The following RBM47 variants were observed in gnomAD, a reference collection of about 807,000 sequenced individuals.
The protein encoded by RBM47 is RNA-binding protein 47.
Under a neutral mutation model 47.1 loss-of-function variants are expected in RBM47, and 21 were observed. That is an observed-to-expected ratio of 0.45 (90% CI 0.32 to 0.64). The LOEUF is 0.64. Ranked by LOEUF, RBM47 falls within the 30% of genes least tolerant of loss-of-function variation. The pLI is 0.05. For missense variants in RBM47, 708 were observed against 870.9 expected (o/e 0.81, Z 2.35); for synonymous variants, 375 against 361.7 (o/e 1.04, Z -0.42).
rs1560350268 is a variant in RBM47 at position 40,432,707 on chromosome 4, C to A, written c.1486G>T (p.Ala496Ser). The A allele has an allele frequency of 3.1e-6, 5 of 1,591,898 alleles. No homozygotes were observed. The highest frequency in any genetic ancestry group is 4.3e-6 in the Non-Finnish European group (5 of 1,165,370). The change falls in exon 6 of 7, where the codon GCC (alanine) becomes TCC (serine). Residue 496 changes from alanine to serine, a missense_variant. Coordinates refer to ENST00000295971, the MANE Select transcript of RBM47 (RefSeq NM_001098634.2). ...PASAAAAAAA[A>S]AAAAAAVIPT... is the part of the protein sequence containing the mutation. ...ATGACAGCGGCTGCGGCGGCTGCGG[C>A]CGCGGCTGCGGCGGCAGCAGCACTG... is the stretch of plus-strand genomic sequence containing the variant.
At chr4:40,613,297 T>C (rs1470663310) in intron 1 of RBM47, among the ~76,000 whole-genome samples, 1 of 152,128 alleles carries the variant, frequency 6.6e-6, no homozygotes, top group African/African-American at 2.4e-5. Context: ...TACTAACAAC[T>C]TTCTCAAAGT....
chr4:40,449,282 T>C (rs770284380), intron 3 of RBM47, among the ~76,000 whole-genome samples: 4 of 152,188 alleles, frequency 2.6e-5, no homozygotes, highest in Non-Finnish European at 5.9e-5. Context: ...CATCTCTCCT[T>C]GACTCTCCTT....
intron 2 of RBM47, among the ~76,000 whole-genome samples, chr4:40,538,150 G>A (rs534259501): frequency 2.6e-4 from 39 of 152,160 alleles, no homozygotes; most frequent in African/African-American, 3.6e-4. Flanking sequence ...TAACACTGAC[G>A]TCAAATTTGA....
chr4:40,608,309 G>A (rs181570979), intron 1 of RBM47, among the ~76,000 whole-genome samples: 2 of 152,240 alleles, frequency 1.3e-5, no homozygotes, highest in Non-Finnish European at 2.9e-5. Flanking sequence ...AGCATCTGAG[G>A]GCAGGAAGAG....
At chr4:40,449,556 G>A (rs1430087685) in intron 3 of RBM47, among the ~76,000 whole-genome samples, 1 of 152,194 alleles carries the variant, frequency 6.6e-6, no homozygotes, top group African/African-American at 2.4e-5. Context: ...TTTGCTGTGG[G>A]TTCTCAGGGA....
chr4:40,540,869 T>C (rs922922598), intron 2 of RBM47, among the ~76,000 whole-genome samples: 4 of 151,826 alleles, frequency 2.6e-5, no homozygotes, highest in African/African-American at 9.7e-5. Context: ...ATAACCTAAA[T>C]GTCAAGCTTA....
intron 6 of RBM47, among the ~76,000 whole-genome samples, chr4:40,431,484 C>T (rs1716000526): frequency 6.6e-6 from 1 of 152,010 alleles, no homozygotes. Context: ...CGGTGAAACC[C>T]CGTCTCTACT....
Position 40,432,823 on chromosome 4 carries a change from G to A in RBM47, c.1370C>T (p.Pro457Leu), listed in dbSNP as rs1429103498. The A allele has an allele frequency of 2.5e-6, 4 of 1,613,746 alleles. No homozygotes were observed. The highest frequency in any genetic ancestry group is 1.7e-5 in the Admixed American group (1 of 59,896). Residue 457 changes from proline to leucine, a missense_variant, in exon 6 of 7, where the codon CCA becomes CTA. By Grantham distance (98) the Pro-to-Leu change is moderately conservative. Transcript: ENST00000295971. ...AATCATTTTAGGGGCTGGAGCTGCT[G>A]GAAACATGGAATACTGAGCCCCAAT... is the stretch of plus-strand genomic sequence containing the variant. ...PAIGAQYSMF[P>L]AAPAPKMIED...
At chr4:40,617,549 C>G (rs970141128) in intron 1 of RBM47, among the ~76,000 whole-genome samples, 7 of 151,820 alleles carry the variant, frequency 4.6e-5, no homozygotes, top group Non-Finnish European at 8.8e-5. Context: ...CAGAGTGAGA[C>G]TCCATCTCAA....
intron 1 of RBM47, among the ~76,000 whole-genome samples, chr4:40,550,608 G>A (rs1042665839): frequency 6.6e-6 from 1 of 151,974 alleles, no homozygotes; most frequent in Admixed American, 6.6e-5. Context: ...TAGTAGAGAT[G>A]GAGTTTCACC....
At chr4:40,577,937 G>A (rs1732497172) in intron 1 of RBM47, among the ~76,000 whole-genome samples, 1 of 152,104 alleles carries the variant, frequency 6.6e-6, no homozygotes, top group Admixed American at 6.5e-5. Flanking sequence ...CTTGAGCCTA[G>A]GAGGTCAAGG....
At chr4:40,610,209 T>C (rs1736137751) in intron 1 of RBM47, among the ~76,000 whole-genome samples, 1 of 152,214 alleles carries the variant, frequency 6.6e-6, no homozygotes, top group South Asian at 2.1e-4. Context: ...TACATAACCC[T>C]AGGCAAGTTA....
At chr4:40,586,942 C>A (rs767537761) in intron 1 of RBM47, among the ~76,000 whole-genome samples, 7 of 152,078 alleles carry the variant, frequency 4.6e-5, no homozygotes, top group Non-Finnish European at 8.8e-5. Context: ...ACCTTGGGCA[C>A]ATCACGTGAT....
At chr4:40,563,296 A>C (rs1730804292) in intron 1 of RBM47, among the ~76,000 whole-genome samples, 1 of 152,232 alleles carries the variant, frequency 6.6e-6, no homozygotes. Flanking sequence ...AGCTCCACAG[A>C]AATCTGTTTT....
At chr4:40,544,742 TATTA>T (rs1389220879) in intron 1 of RBM47, among the ~76,000 whole-genome samples, 2 of 152,124 alleles carry the variant, frequency 1.3e-5, no homozygotes, top group African/African-American at 4.8e-5. Flanking sequence ...TTCCGTTTCA[TATTA>T]ATTAAAAGAC....
chr4:40,451,601 A>G (rs1373769608), intron 3 of RBM47, among the ~76,000 whole-genome samples: 1 of 152,092 alleles, frequency 6.6e-6, no homozygotes, highest in African/African-American at 2.4e-5. Context: ...GTTTTTTTTT[A>G]AAGACATACT....
chr4:40,484,575 T>A (rs903447708), intron 2 of RBM47, among the ~76,000 whole-genome samples: 2 of 152,190 alleles, frequency 1.3e-5, no homozygotes, highest in Admixed American at 1.3e-4. Context: ...TGGTCATCCA[T>A]AACATTGCAG....
rs368437929 is a variant in RBM47, at chr4:40,472,173, CA to C, written c.-154-5475del. Among the ~76,000 whole-genome samples, 869 of 152,316 alleles carry C rather than the reference CA, an allele frequency of 5.7e-3. 11 individuals carry two copies. The highest frequency in any genetic ancestry group is 0.02 in the African/African-American group (820 of 41,568). On this transcript the variant is annotated intron_variant, in intron 2 of 6. Transcript: ENST00000295971. ...TCATAACTAGAATCCTAGAGTTCCA[CA>C]CCCAATCCAAGCCAATAGTAGGCAC...
At chr4:40,525,549 C>T (rs1019569984) in intron 2 of RBM47, among the ~76,000 whole-genome samples, 9 of 152,080 alleles carry the variant, frequency 5.9e-5, no homozygotes, top group Admixed American at 2.6e-4. Flanking sequence ...GTGAGGCACA[C>T]TGGATTATTC....
Sources: gnomAD v4.1 joint callset for allele counts (sites outside exome capture counted in the v4.1 genomes callset) on GRCh38, gnomAD v4.1.1 for gene constraint, MANE v1.5 for transcripts, NCBI Gene and HGNC (gene_info 2026-07-23, HGNC 2026-07-21) for gene names.